The following LARGE1 variants were observed in gnomAD, a reference collection of about 807,000 sequenced individuals.
LARGE1 encodes the protein xylosyl- and glucuronyltransferase LARGE1.
In LARGE1, 43 loss-of-function variants were observed where a neutral mutation model predicts 87.6. The ratio of observed to expected loss-of-function variants is 0.49; its 90% confidence interval spans 0.38 to 0.63. The LOEUF (loss-of-function observed/expected upper bound fraction) is 0.63. Among genes scored for constraint, LARGE1 ranks in the 30% least tolerant of loss-of-function variants. The pLI is 0.00. For synonymous variants in LARGE1, 434 were observed against 394.6 expected (o/e 1.10, Z -1.18); for missense variants, 802 against 1,000.2 (o/e 0.80, Z 2.67).
intron 2 of LARGE1, among the ~76,000 whole-genome samples, chr22:33,653,951 C>T (rs139160496): frequency 8.5e-5 from 13 of 152,164 alleles, no homozygotes; most frequent in Non-Finnish European, 1.5e-4. Context: ...CCAAAGAGGC[C>T]GGGTCACATT....
At chr22:33,213,974 G>T (rs1602101836) in intron 11 of LARGE1, among the ~76,000 whole-genome samples, 1 of 152,236 alleles carries the variant, frequency 6.6e-6, no homozygotes, top group East Asian at 1.9e-4. Flanking sequence ...GACTACAGCC[G>T]CCCGCCAGCA....
At chr22:33,814,136 A>T (rs1246068054) in intron 1 of LARGE1, among the ~76,000 whole-genome samples, 1 of 152,184 alleles carries the variant, frequency 6.6e-6, no homozygotes, top group Non-Finnish European at 1.5e-5. Context: ...CTCTTGTTCG[A>T]CCATTTCAAA....
In LARGE1 at chr22:33,779,485, T is replaced by C. The variant is rs117894779; in HGVS notation, c.-82-17927A>G. Among the ~76,000 whole-genome samples the C allele has an allele frequency of 2.0e-3, 306 of 152,236 alleles. 2 individuals are homozygous for C. Among genetic ancestry groups the C allele is most frequent in the Admixed American group, 3.3e-3 (51 of 15,294 alleles). On this transcript the variant is annotated intron_variant, in intron 1 of 14. Coordinates refer to ENST00000397394, the MANE Select transcript of LARGE1 (RefSeq NM_133642.5). ...CAAGTTCCTAGCGACAGTTTGATCA[T>C]TTTAAAACAAAAGGCCAGGCGTGGT...
At chr22:33,854,321 C>T (rs1203666042) in intron 1 of LARGE1, among the ~76,000 whole-genome samples, 1 of 149,818 alleles carries the variant, frequency 6.7e-6, no homozygotes, top group African/African-American at 2.5e-5. Flanking sequence ...ATAAAAGTGA[C>T]TATTAATTAC....
At chr22:33,708,137 A>C (rs1009784505) in intron 2 of LARGE1, among the ~76,000 whole-genome samples, 7 of 152,130 alleles carry the variant, frequency 4.6e-5, no homozygotes, top group Non-Finnish European at 8.8e-5. Context: ...CTAAGAAAGC[A>C]CCTATCCCAG....
chr22:33,753,260 G>A (rs1041252173), intron 2 of LARGE1, among the ~76,000 whole-genome samples: 22 of 151,988 alleles, frequency 1.4e-4, no homozygotes, highest in Admixed American at 1.4e-3. Flanking sequence ...TAATAAGAGG[G>A]GGGTAGGAGA....
At chr22:33,827,588 C>G (rs546480680) in intron 1 of LARGE1, among the ~76,000 whole-genome samples, 1 of 152,288 alleles carries the variant, frequency 6.6e-6, no homozygotes, top group African/African-American at 2.4e-5. Flanking sequence ...CTGGACAATA[C>G]GAACTCACAT....
chr22:33,834,118 T>C (rs1250119585), intron 1 of LARGE1, among the ~76,000 whole-genome samples: 1 of 152,170 alleles, frequency 6.6e-6, no homozygotes, highest in Non-Finnish European at 1.5e-5. Flanking sequence ...ACCAAGAATA[T>C]AATACTTACT....
Position 33,432,159 on chromosome 22 carries a change from A to G in LARGE1, c.892+2T>C. The G allele has an allele frequency of 6.2e-7, 1 of 1,611,146 alleles. No homozygotes were observed. The highest frequency in any genetic ancestry group is 8.5e-7 in the Non-Finnish European group (1 of 1,177,340). On this transcript the variant is annotated splice_donor_variant, in intron 7 of 14. Transcript: ENST00000397394. LOFTEE classifies it high-confidence loss of function. ...TCTTCCCATACCACCCTGAGGATTT[A>G]CCTGTGTTGTAGCCTCTTCCAAGGG...
At chr22:33,790,538 A>C (rs1333017181) in intron 1 of LARGE1, among the ~76,000 whole-genome samples, 1 of 152,214 alleles carries the variant, frequency 6.6e-6, no homozygotes, top group Non-Finnish European at 1.5e-5. Context: ...TTCAAAAGCC[A>C]ATATATATTT....
chr22:33,535,560 A>G (rs2077018433), intron 6 of LARGE1, among the ~76,000 whole-genome samples: 1 of 151,776 alleles, frequency 6.6e-6, no homozygotes, highest in Non-Finnish European at 1.5e-5. Context: ...AAAAAAAAAA[A>G]GAAAAAAAAT....
chr22:33,412,852 C>T (rs774536384), intron 7 of LARGE1, among the ~76,000 whole-genome samples: 1 of 152,044 alleles, frequency 6.6e-6, no homozygotes, highest in African/African-American at 2.4e-5. Flanking sequence ...GTAGAGACAG[C>T]GTTTCACCAT....
chr22:33,700,577 T>C (rs2082376717), intron 2 of LARGE1, among the ~76,000 whole-genome samples: 1 of 152,146 alleles, frequency 6.6e-6, no homozygotes. Flanking sequence ...GTGGACTTCA[T>C]CTCTGAATTT....
intron 6 of LARGE1, among the ~76,000 whole-genome samples, chr22:33,499,057 G>A (rs1171716640): frequency 6.6e-6 from 1 of 152,122 alleles, no homozygotes; most frequent in Non-Finnish European, 1.5e-5. Context: ...TGGCTTTAAA[G>A]GCAATTGTGT....
At chr22:33,811,028 C>A (rs1192780701) in intron 1 of LARGE1, among the ~76,000 whole-genome samples, 1 of 152,132 alleles carries the variant, frequency 6.6e-6, no homozygotes, top group Non-Finnish European at 1.5e-5. Context: ...GCAGCATAAC[C>A]TAACCTGCCC....
intron 6 of LARGE1, among the ~76,000 whole-genome samples, chr22:33,513,713 C>T (rs2071159381): frequency 2.0e-5 from 3 of 152,010 alleles, no homozygotes; most frequent in South Asian, 4.2e-4. Context: ...TCCCGGAACG[C>T]TCCCACATGT....
chr22:33,850,997 G>A (rs1247175182), intron 1 of LARGE1, among the ~76,000 whole-genome samples: 1 of 152,192 alleles, frequency 6.6e-6, no homozygotes. Context: ...AGTTTGGGTG[G>A]TGGAAGACAG....
chr22:33,168,459 A>G (rs1394149244), intron 11 of LARGE1, among the ~76,000 whole-genome samples: 3 of 152,244 alleles, frequency 2.0e-5, no homozygotes, highest in Non-Finnish European at 4.4e-5. Context: ...TCAGTACCAG[A>G]AGTCAAATGC....
chr22:33,515,678 G>A (rs2071271056), intron 6 of LARGE1, among the ~76,000 whole-genome samples: 1 of 152,156 alleles, frequency 6.6e-6, no homozygotes, highest in South Asian at 2.1e-4. Flanking sequence ...CCAGGCAGGG[G>A]AGGCAGTAGT....
Sources: gnomAD v4.1 joint callset for allele counts (sites outside exome capture counted in the v4.1 genomes callset) on GRCh38, gnomAD v4.1.1 for gene constraint, MANE v1.5 for transcripts, NCBI Gene and HGNC (gene_info 2026-07-23, HGNC 2026-07-21) for gene names.